Variants in SPAG16 observed in about 807,000 individuals in gnomAD.
SPAG16 encodes sperm associated antigen 16, also known as sperm-associated antigen 16 protein.
A neutral mutation model predicts 80.4 loss-of-function variants in SPAG16; 86 were observed. That is an observed-to-expected ratio of 1.07 (90% confidence interval 0.90 to 1.28). The LOEUF is 1.28. SPAG16 is among the 50% of genes most tolerant of loss of function. SPAG16 has a pLI of 0.00. For synonymous variants in SPAG16, 294 were observed against 265.9 expected, an observed-to-expected ratio of 1.11 and a Z score of -1.03; for missense variants, 870 against 765.3, an observed-to-expected ratio of 1.14 and a Z score of -1.61.
chr2:214,302,530 G>C (rs1418905830), intron 15 of SPAG16, among the ~76,000 whole-genome samples: 1 of 152,116 alleles, frequency 6.6e-6, no homozygotes, highest in African/African-American at 2.4e-5. Context: ...ACCCAGGCTG[G>C]AGTGCAGTGG....
chr2:213,447,781 G>T (rs909473260), intron 9 of SPAG16, among the ~76,000 whole-genome samples: 3 of 152,200 alleles, frequency 2.0e-5, no homozygotes, highest in Admixed American at 6.5e-5. Flanking sequence ...TGCATTAATT[G>T]CCATTTATAC....
intron 12 of SPAG16, among the ~76,000 whole-genome samples, chr2:213,970,706 G>A (rs180967702): frequency 6.6e-6 from 1 of 152,302 alleles, no homozygotes; most frequent in African/African-American, 2.4e-5. Flanking sequence ...CCTCATTGGA[G>A]TATTTTGTAG....
chr2:213,338,954 C>T (rs1238035698), intron 5 of SPAG16, among the ~76,000 whole-genome samples: 1 of 151,394 alleles, frequency 6.6e-6, no homozygotes, highest in African/African-American at 2.4e-5. Context: ...TTGATAGGTG[C>T]AGTAAACCAC....
chr2:214,310,166 T>TTTC (rs1695189755), intron 15 of SPAG16, among the ~76,000 whole-genome samples: 1 of 63,184 alleles, frequency 1.6e-5, no homozygotes, highest in Non-Finnish European at 3.3e-5. Flanking sequence ...TCTTTCTTTC[T>TTTC]TTTTTTTTTT....
intron 15 of SPAG16, among the ~76,000 whole-genome samples, chr2:214,245,327 C>A (rs113589792): frequency 2.6e-5 from 4 of 152,230 alleles, no homozygotes; most frequent in African/African-American, 9.6e-5. Context: ...CCATCTCTTT[C>A]CCCTAGTCCC....
At chr2:213,937,490 G>T (rs966653425) in intron 12 of SPAG16, among the ~76,000 whole-genome samples, 28 of 152,026 alleles carry the variant, frequency 1.8e-4, no homozygotes, top group Non-Finnish European at 3.8e-4. Flanking sequence ...GTTACACCAG[G>T]ATAATTAATT....
intron 15 of SPAG16, among the ~76,000 whole-genome samples, chr2:214,372,935 A>G (rs1401089725): frequency 6.6e-6 from 1 of 152,194 alleles, no homozygotes; most frequent in African/African-American, 2.4e-5. Context: ...ATGTACCAGC[A>G]AATGGGGCTA....
intron 15 of SPAG16, among the ~76,000 whole-genome samples, chr2:214,283,625 TAAA>T (rs1429347051): frequency 6.6e-6 from 1 of 152,038 alleles, no homozygotes; most frequent in African/African-American, 2.4e-5. Flanking sequence ...TTACAAAAAA[TAAA>T]AAAATAAAAA....
chr2:213,779,490 T>A (rs1208927571), intron 10 of SPAG16, among the ~76,000 whole-genome samples: 1 of 152,216 alleles, frequency 6.6e-6, no homozygotes, highest in Non-Finnish European at 1.5e-5. Flanking sequence ...ATATTTTGGT[T>A]TTGTTATTCA....
chr2:213,313,795 T>C (rs991365024), intron 4 of SPAG16, among the ~76,000 whole-genome samples: 11 of 151,824 alleles, frequency 7.2e-5, no homozygotes, highest in African/African-American at 2.7e-4. Flanking sequence ...AGAGGGACTG[T>C]CTGGTTCTAA....
At chr2:214,273,933 G>C (rs989767560) in intron 15 of SPAG16, among the ~76,000 whole-genome samples, 2 of 152,122 alleles carry the variant, frequency 1.3e-5, no homozygotes, top group Admixed American at 1.3e-4. Context: ...CATGTGCATG[G>C]AATGTTCTTC....
At position 214,149,276 on chromosome 2, in the gene SPAG16, T is replaced by C. The variant is rs1329025967; in HGVS notation, c.1720+10T>C. The C allele has an allele frequency of 2.6e-6, 4 of 1,546,456 alleles. No individual in the cohort carries two copies. Among genetic ancestry groups the C allele is most frequent in the African/African-American group, 1.4e-5 (1 of 72,794 alleles). ...AATTTTGATTCATCAGGTAGGATCATTTTTGTCTAATGTTTCTGACTAAGC... is the reference window on the plus strand; with the variant it reads ...AATTTTGATTCATCAGGTAGGATCACTTTTGTCTAATGTTTCTGACTAAGC... On this transcript the variant is annotated intron_variant, in intron 15 of 15. Transcript: ENST00000331683.
chr2:214,194,751 A>T (rs969286150), intron 15 of SPAG16, among the ~76,000 whole-genome samples: 1 of 152,062 alleles, frequency 6.6e-6, no homozygotes, highest in Non-Finnish European at 1.5e-5. Context: ...TCCTTATCAT[A>T]TTGTTAGATT....
rs1213330449 is a variant in SPAG16, at chr2:214,177,906, TATATATATAC to T, written c.1720+28650_1720+28659del. Among the ~76,000 whole-genome samples the T allele has an allele frequency of 8.7e-4, 80 of 92,204 alleles. 1 individual carries two copies. The highest frequency in any genetic ancestry group is 2.9e-3 in the African/African-American group (50 of 17,108). 60.5% of individuals were successfully genotyped at this position (92,204 alleles called of 152,430 possible). The stretch of plus-strand genomic sequence containing the variant: ...AAAGCAGAATATATATATACATATA[TATATATATAC>T]ATATATATATATATATATGGCCAGA... On this transcript the variant is annotated intron_variant, in intron 15 of 15. Coordinates refer to ENST00000331683, the MANE Select transcript of SPAG16 (RefSeq NM_024532.5).
Position 213,917,729 on chromosome 2 carries a change from G to T in SPAG16, c.1215-12231G>T, listed in dbSNP as rs568035899. 2.0e-5 allele frequency among the ~76,000 whole-genome samples: 3 copies of T among 152,248 alleles called. No homozygotes were observed. The South Asian group carries it at 6.2e-4, about 32-fold the overall frequency. On this transcript the variant is annotated intron_variant, in intron 11 of 15. Transcript: ENST00000331683. ...AATACATCATCTGGAAACAGGGATAGTTTGACTTCCTCTCTTCTTATATGG... is the reference window on the plus strand; with the variant it reads ...AATACATCATCTGGAAACAGGGATATTTTGACTTCCTCTCTTCTTATATGG...
intron 13 of SPAG16, among the ~76,000 whole-genome samples, chr2:214,026,450 G>A (rs1246435302): frequency 6.6e-6 from 1 of 151,526 alleles, no homozygotes; most frequent in East Asian, 1.9e-4. Context: ...TTTGTGTAAT[G>A]TGAAAGAATA....
intron 15 of SPAG16, among the ~76,000 whole-genome samples, chr2:214,398,330 C>G (rs1014469129): frequency 7.9e-5 from 12 of 152,202 alleles, no homozygotes; most frequent in African/African-American, 2.7e-4. Context: ...CTTTCCTTCA[C>G]TTGCAACTGA....
At chr2:213,770,670 G>A (rs567206381) in intron 10 of SPAG16, among the ~76,000 whole-genome samples, 1 of 152,170 alleles carries the variant, frequency 6.6e-6, no homozygotes, top group East Asian at 1.9e-4. Context: ...GTGTTCATGT[G>A]TTCTCACTGT....
At chr2:213,336,648 G>A (rs2064376631) in intron 5 of SPAG16, among the ~76,000 whole-genome samples, 1 of 152,154 alleles carries the variant, frequency 6.6e-6, no homozygotes, top group African/African-American at 2.4e-5. Context: ...TCCTTAAGTA[G>A]AACACTGATC....
Sources: allele counts gnomAD v4.1 joint callset (sites outside exome capture counted in the v4.1 genomes callset), GRCh38; gene constraint gnomAD v4.1.1; transcripts MANE v1.5; gene names NCBI Gene and HGNC (gene_info 2026-07-23, HGNC 2026-07-21).